The following GPHN variants were observed in gnomAD, a reference collection of about 807,000 sequenced individuals.
The protein encoded by GPHN is gephyrin.
In GPHN, 17 loss-of-function variants were observed where a neutral mutation model predicts 95.5. That is an observed-to-expected ratio of 0.18 (90% CI 0.12 to 0.27). The LOEUF (loss-of-function observed/expected upper bound fraction) is 0.27, where lower values mean the gene tolerates loss of function less well. Among genes scored for constraint, GPHN ranks in the 10% least tolerant of loss-of-function variants. GPHN has a pLI of 1.00. For synonymous variants in GPHN, 320 were observed against 322.5 expected (o/e 0.99, Z 0.08); for missense variants, 660 against 978.1 (o/e 0.67, Z 4.34).
At chr14:67,555,939 C>T in the GPHN span, 1 of 1,592,506 alleles carries the variant, frequency 6.3e-7, no homozygotes, top group Non-Finnish European at 8.6e-7. Context: ...ACCGTCGGCC[C>T]TTCCAGGCCC....
intron 3 of GPHN, among the ~76,000 whole-genome samples, chr14:66,814,370 C>T (rs1390591831): frequency 1.3e-5 from 2 of 152,196 alleles, no homozygotes; most frequent in Non-Finnish European, 2.9e-5. Flanking sequence ...TTGCCTCCAC[C>T]ACTATGGTGA....
chr14:67,694,489 C>CATATAT, the GPHN span, among the ~76,000 whole-genome samples: 17 of 144,230 alleles, frequency 1.2e-4, no homozygotes, highest in African/African-American at 3.9e-4. Context: ...CACACACACA[C>CATATAT]ATATATATAT....
At chr14:67,570,196 T>A in the GPHN span, 3 of 311,974 alleles carry the variant, frequency 9.6e-6, no homozygotes, top group South Asian at 3.8e-4. Context: ...ATTCCACATT[T>A]ACAAAAATGT....
the GPHN span, chr14:67,599,930 C>G: frequency 9.4e-7 from 1 of 1,065,948 alleles, no homozygotes. Flanking sequence ...TAGGAGGGGC[C>G]GACCAGAGGT....
chr14:67,225,005 C>G, the GPHN span: 4 of 857,854 alleles, frequency 4.7e-6, no homozygotes, highest in East Asian at 2.9e-5. Flanking sequence ...AAAATAAGCT[C>G]TTTCTCCTTC....
At chr14:66,807,927 G>T (rs1024408492) in intron 3 of GPHN, among the ~76,000 whole-genome samples, 8 of 152,196 alleles carry the variant, frequency 5.3e-5, no homozygotes, top group Non-Finnish European at 1.2e-4. Flanking sequence ...CTACCAAGTT[G>T]TGGAGTATGC....
At chr14:66,704,198 A>T (rs879718865) in intron 2 of GPHN, among the ~76,000 whole-genome samples, 8 of 152,278 alleles carry the variant, frequency 5.3e-5, no homozygotes, top group Middle Eastern at 6.8e-3. Flanking sequence ...AAAAAAACTT[A>T]GACTCGCACA....
At chr14:66,747,369 A>G (rs935358680) in intron 2 of GPHN, among the ~76,000 whole-genome samples, 2 of 152,316 alleles carry the variant, frequency 1.3e-5, no homozygotes, top group African/African-American at 2.4e-5. Context: ...TAAAATAAAC[A>G]TCAGGTATTT....
chr14:67,479,300 G>A, the GPHN span, among the ~76,000 whole-genome samples: 2 of 151,838 alleles, frequency 1.3e-5, no homozygotes, highest in African/African-American at 4.8e-5. Flanking sequence ...CAGCTACTCG[G>A]GAGGCTGAGG....
intron 9 of GPHN, among the ~76,000 whole-genome samples, chr14:66,972,149 T>C (rs1274587302): frequency 6.6e-6 from 1 of 151,332 alleles, no homozygotes; most frequent in African/African-American, 2.4e-5. Flanking sequence ...ATGCCTGTAG[T>C]CCCAGCTGCT....
chr14:67,604,759 CTTAA>C, the GPHN span, among the ~76,000 whole-genome samples: 3 of 151,912 alleles, frequency 2.0e-5, no homozygotes, highest in Non-Finnish European at 4.4e-5. Context: ...TCCCTAGAAG[CTTAA>C]TTATTTTACC....
chr14:67,073,483 CCTTT>C (rs565377398), intron 11 of GPHN, among the ~76,000 whole-genome samples: 79 of 152,168 alleles, frequency 5.2e-4, no homozygotes, highest in African/African-American at 1.7e-3. Context: ...AAAACGTACC[CCTTT>C]CATGTTAATT....
the GPHN span, among the ~76,000 whole-genome samples, chr14:67,371,194 C>T: frequency 1.3e-5 from 2 of 151,740 alleles, no homozygotes; most frequent in Non-Finnish European, 2.9e-5. Context: ...ACAGGAGGAT[C>T]GCTTGAGGTC....
intron 4 of GPHN, 81 bp from the exon 5 acceptor site, chr14:66,879,857 AT>A: frequency 6.9e-6 from 6 of 870,030 alleles, no homozygotes; most frequent in Non-Finnish European, 1.2e-5. Flanking sequence ...GTTTATAATC[AT>A]TTTTAAGTGG....
chr14:67,405,029 T>C, the GPHN span, among the ~76,000 whole-genome samples: 1 of 151,266 alleles, frequency 6.6e-6, no homozygotes, highest in Admixed American at 6.6e-5. Flanking sequence ...AGGTCAGAAG[T>C]TCAAGACCAC....
chr14:66,661,910 C>G (rs1029241907), intron 1 of GPHN, among the ~76,000 whole-genome samples: 1 of 152,134 alleles, frequency 6.6e-6, no homozygotes, highest in Non-Finnish European at 1.5e-5. Flanking sequence ...CCATGGCCAT[C>G]CTGCTTCCTT....
At chr14:66,814,214 C>A (rs1201623823) in intron 3 of GPHN, among the ~76,000 whole-genome samples, 1 of 152,044 alleles carries the variant, frequency 6.6e-6, no homozygotes, top group Non-Finnish European at 1.5e-5. Flanking sequence ...GCAGATCATC[C>A]CACACCCTGA....
intron 9 of GPHN, among the ~76,000 whole-genome samples, chr14:66,979,092 C>G (rs187619846): frequency 6.6e-6 from 1 of 152,136 alleles, no homozygotes; most frequent in African/African-American, 2.4e-5. Context: ...CTTTCTTGTT[C>G]CATTTGTAGA....
At chr14:66,793,767 G>A (rs897029260) in intron 3 of GPHN, among the ~76,000 whole-genome samples, 13 of 151,866 alleles carry the variant, frequency 8.6e-5, no homozygotes, top group East Asian at 1.9e-4. Flanking sequence ...CTAGAGCAAC[G>A]ATTAAGAATA....
Sources: allele counts gnomAD v4.1 joint callset (sites outside exome capture counted in the v4.1 genomes callset), GRCh38; gene constraint gnomAD v4.1.1; transcripts MANE v1.5; gene names NCBI Gene and HGNC (gene_info 2026-07-23, HGNC 2026-07-21).